SETX: variants seen among roughly 807,000 people sequenced by gnomAD.
SETX encodes the protein helicase senataxin.
Under a neutral mutation model 227.2 loss-of-function variants are expected in SETX, and 90 were observed. The ratio of observed to expected loss-of-function variants is 0.40; its 90% CI spans 0.33 to 0.47. SETX has a LOEUF of 0.47. Ranked by LOEUF, SETX falls within the 20% of genes least tolerant of loss-of-function variation. The probability of loss-of-function intolerance (pLI) is 0.91; values close to 1 mark genes in which losing one functional copy is unlikely to be tolerated. For synonymous variants in SETX, 1,210 were observed against 1,113.2 expected (o/e 1.09, Z -1.73); for missense variants, 3,052 against 3,181.5 (o/e 0.96, Z 0.98).
intron 5 of SETX, among the ~76,000 whole-genome samples, chr9:132,342,125 G>C (rs923809386): frequency 6.6e-6 from 1 of 152,016 alleles, no homozygotes; most frequent in Non-Finnish European, 1.5e-5. Flanking sequence ...TCAGTTCTAG[G>C]TGGCATTAGG....
chr9:132,286,612 C>T lies in SETX; in HGVS notation c.6325-118G>A, dbSNP rs1419600411. 22 of 753,134 alleles carry T rather than the reference C, an allele frequency of 2.9e-5. 2 individuals carry two copies. Among genetic ancestry groups the T allele is most frequent in the South Asian group, 2.1e-4 (14 of 66,848 alleles). 46.7% of individuals were successfully genotyped at this position (753,134 alleles called of 1,614,324 possible). ...TTTCACCAATGAAAAATGTATTTAC[C>T]CAGCTTATTTCCTCTTTACCACTGG... On this transcript the variant is annotated intron_variant, in intron 17 of 25. Coordinates refer to ENST00000224140, the MANE Select transcript of SETX (RefSeq NM_015046.7).
rs769170686 is a variant in SETX at position 132,269,606 on chromosome 9, G to T, written c.7287+9C>A. On this transcript the variant is annotated intron_variant, in intron 25 of 25. Coordinates refer to ENST00000224140, the MANE Select transcript of SETX (RefSeq NM_015046.7). Reference sequence around the variant, plus strand: ...CAATGGGTAAACTTCTGAGCTCTCTGGTACCTACCATCAGGGTCCTCAAAT... The same window carrying T: ...CAATGGGTAAACTTCTGAGCTCTCTTGTACCTACCATCAGGGTCCTCAAAT... The T allele has an allele frequency of 3.7e-5, 60 of 1,613,754 alleles. 2 individuals are homozygous for T. In the Middle Eastern group the frequency reaches 6.6e-4, roughly 18 times the overall value.
intron 11 of SETX, 31 bp downstream of exon 11, chr9:132,311,726 T>C (rs1429521434): frequency 1.6e-5 from 23 of 1,403,350 alleles, no homozygotes; most frequent in Non-Finnish European, 2.2e-5. Context: ...TATTATATCA[T>C]ATATTCCAAG....
chr9:132,329,281 C>G lies in SETX; in HGVS notation c.2317G>C (p.Ala773Pro), dbSNP rs770129940. The change falls in exon 10 of 26, where the codon GCT becomes CCT. Residue 773 changes from alanine to proline, a missense_variant. Transcript: ENST00000224140. ...EDFSLKDDAL[A>P]KTSKRKTKVQ... ...TTAGTTTTTCGTTTTGAGGTTTTAGCAAGAGCATCATCCTTTAAAGAGAAA... is the reference window on the plus strand; with the variant it reads ...TTAGTTTTTCGTTTTGAGGTTTTAGGAAGAGCATCATCCTTTAAAGAGAAA... 1.9e-6 allele frequency: 3 copies of G among 1,613,782 alleles called. No individual in the cohort carries two copies. The highest frequency in any genetic ancestry group is 2.5e-6 in the Non-Finnish European group (3 of 1,179,864).
intron 13 of SETX, among the ~76,000 whole-genome samples, 200 bp downstream of exon 13, chr9:132,297,880 G>A (rs1369433447): frequency 2.6e-5 from 4 of 152,226 alleles, no homozygotes; most frequent in East Asian, 1.9e-4. Context: ...AACCTTCGAC[G>A]CTTATTGTAC....
In SETX at chr9:132,327,207, G is replaced by C. The variant is rs750268505; in HGVS notation, c.4391C>G (p.Pro1464Arg). ...NEVIVSTSED[P>R]LGGGDPTARH... ...TGCTGTTGGATCACCTCCACCCAGAGGGTCTTCTGAAGTGGAGACAATTAC... is the reference window on the plus strand; with the variant it reads ...TGCTGTTGGATCACCTCCACCCAGACGGTCTTCTGAAGTGGAGACAATTAC... Residue 1464 changes from proline to arginine, a missense_variant, in exon 10 of 26, where the codon CCT becomes CGT. By Grantham distance (103) the Pro-to-Arg change is moderately radical. Around this residue, in one of 10 missense-constraint regions of SETX, gnomAD observed 1,483 missense variants for 1,312.0 expected, o/e 1.13. Coordinates refer to ENST00000224140, the MANE Select transcript of SETX (RefSeq NM_015046.7). 6 of 1,614,048 alleles carry C rather than the reference G, an allele frequency of 3.7e-6. No individual in the cohort carries two copies. In the South Asian group the frequency reaches 4.4e-5, roughly 12 times the overall value.
At chr9:132,282,117 T>C (rs958870307) in intron 19 of SETX, among the ~76,000 whole-genome samples, 1 of 150,766 alleles carries the variant, frequency 6.6e-6, no homozygotes, top group Non-Finnish European at 1.5e-5. Context: ...AAATCAAACT[T>C]GTATTTTTGA....
chr9:132,262,802 C>T lies in SETX; in HGVS notation c.*1437G>A, dbSNP rs1428817368. ...AAAAAGCAGATGACAAAGGAAATGT[C>T]AAATAATGCACATGAATCTTCAGCT... On this transcript the variant is annotated 3_prime_UTR_variant, in exon 26 of 26. Coordinates refer to ENST00000224140, the MANE Select transcript of SETX (RefSeq NM_015046.7). The T allele has an allele frequency of 6.6e-6, 1 of 152,450 alleles. No homozygotes were observed. The highest frequency in any genetic ancestry group is 1.5e-5 in the Non-Finnish European group (1 of 68,030). 9.4% of individuals were successfully genotyped at this position (152,450 alleles called of 1,614,324 possible).
chr9:132,354,770 A>G (rs1441313175), intron 1 of SETX, 147 bp downstream of exon 1: 3 of 151,258 alleles, frequency 2.0e-5, no homozygotes, highest in Admixed American at 2.0e-4. Context: ...CACCGAGGGA[A>G]GCGGCCGAGC....
intron 15 of SETX, among the ~76,000 whole-genome samples, chr9:132,291,695 C>A (rs1472838838): frequency 6.6e-6 from 1 of 152,134 alleles, no homozygotes; most frequent in Admixed American, 6.5e-5. Flanking sequence ...CGTAAGGGAG[C>A]AAGGCTGGGC....
At chr9:132,297,429 T>A (rs1844736876) in intron 13 of SETX, among the ~76,000 whole-genome samples, 1 of 152,212 alleles carries the variant, frequency 6.6e-6, no homozygotes, top group African/African-American at 2.4e-5. Flanking sequence ...AGTGAAAACA[T>A]CCCAAGACTA....
intron 19 of SETX, among the ~76,000 whole-genome samples, chr9:132,282,276 ATTT>A (rs1281399386): frequency 6.7e-6 from 1 of 149,960 alleles, no homozygotes; most frequent in East Asian, 2.0e-4. Flanking sequence ...TTTATTTTAA[ATTT>A]TTTATTTATT....
At chr9:132,296,817 T>C in intron 14 of SETX, 70 bp downstream of exon 14, 1 of 1,359,650 alleles carries the variant, frequency 7.4e-7, no homozygotes, top group South Asian at 1.2e-5. Flanking sequence ...CTTATTTACA[T>C]GTCAGTTAAC....
At chr9:132,301,727 C>T (rs1408663286) in intron 11 of SETX, among the ~76,000 whole-genome samples, 1 of 152,172 alleles carries the variant, frequency 6.6e-6, no homozygotes, top group Non-Finnish European at 1.5e-5. Flanking sequence ...ATGATGAAAT[C>T]GCCTGACACA....
intron 7 of SETX, 98 bp downstream of exon 7, chr9:132,334,510 T>C (rs1184419533): frequency 7.2e-7 from 1 of 1,396,378 alleles, no homozygotes; most frequent in Non-Finnish European, 1.0e-6. Context: ...AAAATTCTTT[T>C]CTCCACAACA....
chr9:132,334,631 T>C lies in SETX; in HGVS notation c.815A>G (p.His272Arg). The part of the protein sequence containing the change: ...KQNDFMQSIL[H>R]TMEREADDDS... ...ACCATCTGCTTCCCTCTCCATAGTGTGAAGTATCGATTGCATAAAATCATT... is the reference window on the plus strand; with the variant it reads ...ACCATCTGCTTCCCTCTCCATAGTGCGAAGTATCGATTGCATAAAATCATT... Residue 272 changes from histidine to arginine, a missense_variant, in exon 7 of 26, where the codon CAC becomes CGC. By Grantham distance (29) the His-to-Arg change is conservative. This residue lies in a region of SETX where 239 missense variants were observed against 240.8 expected (regional missense o/e 0.99). Transcript: ENST00000224140. The C allele has an allele frequency of 6.2e-7, 1 of 1,614,028 alleles. No individual in the cohort carries two copies. The highest frequency in any genetic ancestry group is 8.5e-7 in the Non-Finnish European group (1 of 1,179,914).
intron 11 of SETX, among the ~76,000 whole-genome samples, chr9:132,311,458 A>G (rs1845647850): frequency 2.0e-5 from 3 of 152,116 alleles, no homozygotes; most frequent in African/African-American, 7.2e-5. Flanking sequence ...AGAATCTGTA[A>G]AGACTATTAT....
At chr9:132,311,052 C>T (rs1845625060) in intron 11 of SETX, among the ~76,000 whole-genome samples, 2 of 152,130 alleles carry the variant, frequency 1.3e-5, no homozygotes, top group Non-Finnish European at 1.5e-5. Context: ...CTGCAAACTC[C>T]ACCTCCCTGG....
rs150050662 is a variant in SETX at position 132,303,600 on chromosome 9, T to C, written c.5375-2797A>G. Among the ~76,000 whole-genome samples the C allele has an allele frequency of 3.2e-3, 493 of 151,930 alleles. 2 individuals carry two copies. The highest frequency in any genetic ancestry group is 0.011 in the African/African-American group (474 of 41,448). ...GCATTCCACAGATTAGGAGTAAATA[T>C]TTTCAATATATAAATATAATAAATA... On this transcript the variant is annotated intron_variant, in intron 11 of 25. Coordinates refer to ENST00000224140, the MANE Select transcript of SETX (RefSeq NM_015046.7).
Sources: gnomAD v4.1 joint callset for allele counts (sites outside exome capture counted in the v4.1 genomes callset) on GRCh38, gnomAD v4.1.1 for gene constraint, gnomAD v4.1.1 regional missense constraint, MANE v1.5 for transcripts, NCBI Gene and HGNC (gene_info 2026-07-23, HGNC 2026-07-21) for gene names.